The following KCNB2 variants were observed in gnomAD, a reference collection of about 807,000 sequenced individuals.
KCNB2 encodes potassium voltage-gated channel subfamily B member 2.
In KCNB2, 15 loss-of-function variants were observed where a neutral mutation model predicts 61.5. That is an observed-to-expected ratio of 0.24 (90% CI 0.16 to 0.38). KCNB2 has a LOEUF of 0.38. KCNB2 is among the 10% of genes least tolerant of loss of function. The pLI, the probability that KCNB2 is intolerant of heterozygous loss-of-function variation, is 1.00. For synonymous variants in KCNB2, 457 were observed against 446.0 expected (o/e 1.02, Z -0.31); for missense variants, 828 against 1,125.2 (o/e 0.74, Z 3.78).
At chr8:72,863,743 C>T (rs778071909) in intron 2 of KCNB2, among the ~76,000 whole-genome samples, 2 of 152,230 alleles carry the variant, frequency 1.3e-5, no homozygotes, top group African/African-American at 4.8e-5. Flanking sequence ...GACATGGTGG[C>T]TTATGCCTAT....
intron 2 of KCNB2, among the ~76,000 whole-genome samples, chr8:72,840,750 G>A (rs778091578): frequency 2.0e-5 from 3 of 151,820 alleles, no homozygotes; most frequent in Non-Finnish European, 4.4e-5. Context: ...CTTTTTGATG[G>A]CATTTTTTTT....
intron 2 of KCNB2, among the ~76,000 whole-genome samples, chr8:72,819,542 A>G (rs1406956092): frequency 1.3e-5 from 2 of 152,272 alleles, no homozygotes; most frequent in South Asian, 4.1e-4. Context: ...GATAATATCA[A>G]TAGGAATAGG....
chr8:72,820,762 C>T (rs557948747), intron 2 of KCNB2, among the ~76,000 whole-genome samples: 2 of 152,120 alleles, frequency 1.3e-5, no homozygotes, highest in African/African-American at 4.8e-5. Context: ...ATTTCTTATC[C>T]CACTTCTGAT....
At chr8:72,630,240 C>G (rs1805858283) in intron 2 of KCNB2, among the ~76,000 whole-genome samples, 2 of 152,242 alleles carry the variant, frequency 1.3e-5, no homozygotes, top group Non-Finnish European at 1.5e-5. Context: ...CAACATACCA[C>G]CAGTTACCAT....
At chr8:72,786,203 C>T (rs185984680) in intron 2 of KCNB2, among the ~76,000 whole-genome samples, 163 of 152,042 alleles carry the variant, frequency 1.1e-3, no homozygotes, top group African/African-American at 3.5e-3. Context: ...TTGACCTAGC[C>T]GTATTATTTA....
intron 2 of KCNB2, among the ~76,000 whole-genome samples, chr8:72,707,100 C>A (rs1051646280): frequency 6.6e-6 from 1 of 152,206 alleles, no homozygotes; most frequent in South Asian, 2.1e-4. Flanking sequence ...TAATCTCAAA[C>A]CTTGCCTTCA....
At chr8:72,663,318 G>C (rs1172809462) in intron 2 of KCNB2, among the ~76,000 whole-genome samples, 2 of 152,148 alleles carry the variant, frequency 1.3e-5, no homozygotes, top group African/African-American at 2.4e-5. Context: ...GTTGAATATG[G>C]AATATATGTT....
intron 2 of KCNB2, among the ~76,000 whole-genome samples, chr8:72,578,513 G>A (rs1056798472): frequency 3.9e-5 from 6 of 152,030 alleles, no homozygotes; most frequent in Non-Finnish European, 7.4e-5. Flanking sequence ...TGCATTATGA[G>A]TAATATTAAA....
intron 2 of KCNB2, among the ~76,000 whole-genome samples, chr8:72,717,817 T>A (rs1807472017): frequency 6.6e-6 from 1 of 151,950 alleles, no homozygotes; most frequent in Admixed American, 6.5e-5. Context: ...ACAAATGGGA[T>A]CTAATTAAAC....
At chr8:72,766,674 A>G (rs1808464703) in intron 2 of KCNB2, among the ~76,000 whole-genome samples, 1 of 152,224 alleles carries the variant, frequency 6.6e-6, no homozygotes. Flanking sequence ...GGAAAGAAAC[A>G]TATTCATCAG....
In KCNB2 at chr8:72,782,173, G is replaced by A. The variant is rs537426285; in HGVS notation, c.580-153762G>A. Among the ~76,000 whole-genome samples, 180 of 152,168 alleles carry A rather than the reference G, an allele frequency of 1.2e-3. 1 individual carries two copies. The highest frequency in any genetic ancestry group is 2.1e-3 in the Non-Finnish European group (144 of 68,010). ...GGCCACCCTTTCCAAACAGCATGTT[G>A]GTGTGAGATGTCATGAAGTTTTTAT... On this transcript the variant is annotated intron_variant, in intron 2 of 2. Coordinates refer to ENST00000523207, the MANE Select transcript of KCNB2 (RefSeq NM_004770.3).
chr8:72,888,669 G>C (rs1029893077), intron 2 of KCNB2, among the ~76,000 whole-genome samples: 7 of 152,084 alleles, frequency 4.6e-5, no homozygotes, highest in East Asian at 1.9e-4. Flanking sequence ...TTGAAAAACA[G>C]CAAAATTAAG....
Position 72,936,533 on chromosome 8 carries a change from T to C in KCNB2, c.1178T>C (p.Leu393Pro). Residue 393 changes from leucine to proline, a missense_variant, in exon 3 of 3, where the codon CTA becomes CCA. By Grantham distance (98) the Leu-to-Pro change is moderately conservative. This residue lies in a region of KCNB2 where 44 missense variants were observed against 167.6 expected (regional missense o/e 0.26). Transcript: ENST00000523207. This position sits in a 1 kb window ranked among gnomAD's most constrained non-coding sequence, Gnocchi z 5.6. ...GYGDIYPKTL[L>P]GKIVGGLCCI... ...GGTGACATTTACCCTAAAACATTAC[T>C]AGGGAAAATTGTGGGAGGTCTGTGC... 1 of 1,614,194 alleles carries C rather than the reference T, an allele frequency of 6.2e-7. No individual in the cohort carries two copies. The highest frequency in any genetic ancestry group is 8.5e-7 in the Non-Finnish European group (1 of 1,180,026).
chr8:72,933,758 T>G (rs1806840961), intron 2 of KCNB2, among the ~76,000 whole-genome samples: 1 of 152,230 alleles, frequency 6.6e-6, no homozygotes. Context: ...CTGAATCTAT[T>G]AGCCAGGGAT....
At chr8:72,768,778 T>C (rs1347260411) in intron 2 of KCNB2, among the ~76,000 whole-genome samples, 1 of 152,198 alleles carries the variant, frequency 6.6e-6, no homozygotes, top group East Asian at 1.9e-4. Context: ...CTTTTGCAAG[T>C]GGACATCCAG....
At chr8:72,748,242 T>C (rs970932189) in intron 2 of KCNB2, among the ~76,000 whole-genome samples, 4 of 152,200 alleles carry the variant, frequency 2.6e-5, no homozygotes, top group African/African-American at 9.6e-5. Flanking sequence ...TCAAGTCTCA[T>C]TGACCTGAAA....
At chr8:72,658,034 T>G (rs1806319158) in intron 2 of KCNB2, among the ~76,000 whole-genome samples, 1 of 152,150 alleles carries the variant, frequency 6.6e-6, no homozygotes, top group South Asian at 2.1e-4. Flanking sequence ...ATAGTAAACC[T>G]ACAATGGCCT....
chr8:72,787,574 A>C (rs373998009), intron 2 of KCNB2, among the ~76,000 whole-genome samples: 1 of 152,112 alleles, frequency 6.6e-6, no homozygotes, highest in Non-Finnish European at 1.5e-5. Flanking sequence ...ACAGATCTTC[A>C]CACAAATTGC....
intron 1 of KCNB2, among the ~76,000 whole-genome samples, chr8:72,549,752 TC>T (rs1806315930): frequency 6.6e-6 from 1 of 152,184 alleles, no homozygotes; most frequent in African/African-American, 2.4e-5. Context: ...TCTCTTTGGC[TC>T]CTCTCAGACC....
Sources: allele counts gnomAD v4.1 joint callset (sites outside exome capture counted in the v4.1 genomes callset), GRCh38; gene constraint gnomAD v4.1.1; regional missense constraint gnomAD v4.1.1; non-coding constraint Gnocchi (gnomAD v3.1); transcripts MANE v1.5; gene names NCBI Gene and HGNC (gene_info 2026-07-23, HGNC 2026-07-21).